TMEM272: variants seen among roughly 807,000 people sequenced by gnomAD.
TMEM272 encodes the protein transmembrane protein 272.
TMEM272 carries 8 observed loss-of-function variants against 3.7 expected under a neutral mutation model. The ratio of observed to expected loss-of-function variants is 2.17; its 90% CI spans 1.27 to 3.91. The LOEUF is 3.91. TMEM272 is among the 30% of genes most tolerant of loss of function. The pLI is 0.00. For missense variants in TMEM272, 166 were observed against 91.5 expected, an observed-to-expected ratio of 1.81 and a Z score of -3.32; for synonymous variants, 63 against 39.8, an observed-to-expected ratio of 1.58 and a Z score of -2.20.
At chr13:51,854,325 A>G in the TMEM272 span, among the ~76,000 whole-genome samples, 1 of 152,186 alleles carries the variant, frequency 6.6e-6, no homozygotes, top group Non-Finnish European at 1.5e-5. Context: ...TCCCCAACCC[A>G]TCTAAATCAA....
At chr13:51,877,309 C>G in the TMEM272 span, among the ~76,000 whole-genome samples, 1 of 152,214 alleles carries the variant, frequency 6.6e-6, no homozygotes, top group Non-Finnish European at 1.5e-5. Flanking sequence ...CTCCCCATGT[C>G]ATATGCTACA....
intron 2 of TMEM272, among the ~76,000 whole-genome samples, chr13:51,835,101 T>C (rs621221): frequency 0.67 from 101,142 of 152,048 alleles, 33,864 homozygotes; most frequent in Non-Finnish European, 0.69. Flanking sequence ...ATAAACAAGC[T>C]ACTCCTCTGA....
At chr13:51,869,808 T>C in the TMEM272 span, among the ~76,000 whole-genome samples, 11 of 152,160 alleles carry the variant, frequency 7.2e-5, 1 homozygote, top group South Asian at 4.1e-4. Flanking sequence ...AATTAAGATG[T>C]TCCATTCCCA....
the TMEM272 span, among the ~76,000 whole-genome samples, chr13:51,894,007 G>A: frequency 6.6e-6 from 1 of 152,186 alleles, no homozygotes; most frequent in African/African-American, 2.4e-5. Flanking sequence ...ACGGAGCCTG[G>A]AAGGCCTGAG....
At chr13:51,910,941 A>C in the TMEM272 span, among the ~76,000 whole-genome samples, 1 of 152,200 alleles carries the variant, frequency 6.6e-6, no homozygotes, top group East Asian at 1.9e-4. Context: ...CCAAGCTGAC[A>C]CCCTAGCTAA....
intron 3 of TMEM272, among the ~76,000 whole-genome samples, chr13:51,824,482 T>C (rs1956106526): frequency 6.6e-6 from 1 of 152,250 alleles, no homozygotes. Context: ...AATGTTTTCA[T>C]CACCCCAAAC....
rs1170098031 is a variant in TMEM272 at position 51,821,966 on chromosome 13, G to C, written c.201+89C>G. 4.3e-6 allele frequency: 3 copies of C among 699,838 alleles called. No homozygotes were observed. In the East Asian group the frequency reaches 8.1e-5, roughly 19 times the overall value. 43.4% of individuals were successfully genotyped at this position (699,838 alleles called of 1,614,324 possible). ...AGGGGGAAGTTGTTTTGTCTCCCCT[G>C]TGAATAGCAGGCAAATAACAGGTGC... On this transcript the variant is annotated intron_variant, in intron 4 of 4. Transcript: ENST00000629372.
At chr13:51,855,964 C>T in the TMEM272 span, among the ~76,000 whole-genome samples, 58 of 152,298 alleles carry the variant, frequency 3.8e-4, no homozygotes, top group African/African-American at 1.4e-3. Context: ...AATCAATTCA[C>T]TGAGACCACA....
At chr13:51,819,509 C>T (rs1286408690) in intron 4 of TMEM272, among the ~76,000 whole-genome samples, 1 of 152,176 alleles carries the variant, frequency 6.6e-6, no homozygotes, top group Non-Finnish European at 1.5e-5. Flanking sequence ...AAGGAACCAG[C>T]CCAAGGAAAG....
chr13:51,887,140 G>GT, the TMEM272 span, among the ~76,000 whole-genome samples: 1 of 152,178 alleles, frequency 6.6e-6, no homozygotes, highest in Non-Finnish European at 1.5e-5. Context: ...CTCCACTGCG[G>GT]TAAGTCTCAT....
the TMEM272 span, among the ~76,000 whole-genome samples, chr13:51,922,727 T>A: frequency 6.6e-6 from 1 of 152,230 alleles, no homozygotes. Context: ...TGGGCAGGGC[T>A]GGGTCCTTCT....
chr13:51,836,760 G>A (rs752204059), intron 2 of TMEM272, among the ~76,000 whole-genome samples: 4 of 152,186 alleles, frequency 2.6e-5, no homozygotes, highest in Non-Finnish European at 5.9e-5. Context: ...GGGGGCAGGT[G>A]GGAGGAAGTA....
chr13:51,874,623 G>A, the TMEM272 span, among the ~76,000 whole-genome samples: 1 of 152,140 alleles, frequency 6.6e-6, no homozygotes, highest in African/African-American at 2.4e-5. Context: ...TGCAGGCAAA[G>A]GAAAGATGCC....
chr13:51,864,081 CCCTT>C, the TMEM272 span, among the ~76,000 whole-genome samples: 1 of 150,120 alleles, frequency 6.7e-6, no homozygotes, highest in Non-Finnish European at 1.5e-5. Context: ...TTCCCTCCCT[CCCTT>C]CCTTCCCTCC....
chr13:51,868,198 T>C, the TMEM272 span, among the ~76,000 whole-genome samples: 7 of 152,236 alleles, frequency 4.6e-5, no homozygotes, highest in African/African-American at 9.6e-5. Flanking sequence ...CACTATGCTA[T>C]GTTTGGGAAC....
chr13:51,854,645 A>G, the TMEM272 span, among the ~76,000 whole-genome samples: 2 of 152,156 alleles, frequency 1.3e-5, no homozygotes, highest in East Asian at 3.8e-4. Context: ...AGCTTTAGGC[A>G]AGTTTCTGAA....
At chr13:51,918,594 C>T in the TMEM272 span, among the ~76,000 whole-genome samples, 13 of 152,198 alleles carry the variant, frequency 8.5e-5, no homozygotes, top group Middle Eastern at 3.4e-3. Flanking sequence ...AAGCAATTGA[C>T]ATTTTCCATG....
chr13:51,879,114 G>A, the TMEM272 span, among the ~76,000 whole-genome samples: 1 of 152,124 alleles, frequency 6.6e-6, no homozygotes, highest in African/African-American at 2.4e-5. Context: ...AGCAGAACTG[G>A]GCCTCTTGAC....
chr13:51,838,663 AG>A (rs1332643507), intron 1 of TMEM272, 110 bp from the exon 2 acceptor site: 2 of 685,774 alleles, frequency 2.9e-6, no homozygotes, highest in East Asian at 5.4e-5. Flanking sequence ...GGTCTCAGTC[AG>A]CCCGGGTGGC....
Sources: allele counts gnomAD v4.1 joint callset (sites outside exome capture counted in the v4.1 genomes callset), GRCh38; gene constraint gnomAD v4.1.1; transcripts MANE v1.5; gene names NCBI Gene and HGNC (gene_info 2026-07-23, HGNC 2026-07-21).